C12orf54: variants seen among roughly 807,000 people sequenced by gnomAD.
The protein encoded by C12orf54 is uncharacterized protein C12orf54.
Under a neutral mutation model 26.4 loss-of-function variants are expected in C12orf54, and 24 were observed. The observed-to-expected ratio is 0.91, with a 90% CI of 0.66 to 1.28. C12orf54 has a LOEUF of 1.28. Among genes scored for constraint, C12orf54 ranks in the 50% most tolerant of loss-of-function variants. C12orf54 has a pLI of 0.00. For missense variants in C12orf54, 154 were observed against 150.9 expected, an observed-to-expected ratio of 1.02 and a Z score of -0.11; for synonymous variants, 54 against 47.0, an observed-to-expected ratio of 1.15 and a Z score of -0.61.
the C12orf54 span, among the ~76,000 whole-genome samples, chr12:48,449,503 G>T: frequency 2.0e-5 from 3 of 152,246 alleles, no homozygotes; most frequent in African/African-American, 7.2e-5. Flanking sequence ...TCCCCAGACT[G>T]CTTAGATAGG....
chr12:48,433,897 G>A, the C12orf54 span, among the ~76,000 whole-genome samples: 3 of 152,206 alleles, frequency 2.0e-5, no homozygotes, highest in African/African-American at 7.2e-5. Flanking sequence ...TCTCACTGAG[G>A]CTTGTTGGAC....
rs1039070941 is a variant in C12orf54, at chr12:48,490,811, G to C, written c.169-1G>C. ...CTGACTGTATTCTCATTATTTTTCA[G>C]CTGCAGGAAGATGCTCGGATTCGAG... is the stretch of plus-strand genomic sequence containing the variant. On this transcript the variant is annotated splice_acceptor_variant, in intron 5 of 8. Coordinates refer to ENST00000548364, the MANE Select transcript of C12orf54 (RefSeq NM_152319.4). LOFTEE classifies it high-confidence loss of function. The C allele has an allele frequency of 6.2e-7, 1 of 1,613,466 alleles. No individual in the cohort carries two copies. Among genetic ancestry groups the C allele is most frequent in the African/African-American group, 1.3e-5 (1 of 74,906 alleles).
the C12orf54 span, among the ~76,000 whole-genome samples, chr12:48,447,621 C>T: frequency 6.6e-6 from 1 of 152,120 alleles, no homozygotes; most frequent in Admixed American, 6.6e-5. Context: ...TACATAACCA[C>T]TATCCTAAAG....
the C12orf54 span, among the ~76,000 whole-genome samples, chr12:48,457,785 C>A: frequency 4.6e-5 from 7 of 152,260 alleles, no homozygotes; most frequent in East Asian, 7.7e-4. Context: ...TCTACCTCCA[C>A]AATGACACTG....
chr12:48,459,571 T>G, the C12orf54 span, among the ~76,000 whole-genome samples: 1 of 152,138 alleles, frequency 6.6e-6, no homozygotes, highest in South Asian at 2.1e-4. Context: ...AATAGAACTT[T>G]CCGATTTTCG....
chr12:48,447,491 C>G, the C12orf54 span, among the ~76,000 whole-genome samples: 1 of 152,192 alleles, frequency 6.6e-6, no homozygotes, highest in Non-Finnish European at 1.5e-5. Context: ...TCTGCTTCCT[C>G]AGAAGCCTTG....
the C12orf54 span, among the ~76,000 whole-genome samples, chr12:48,437,954 A>G: frequency 6.6e-6 from 1 of 152,212 alleles, no homozygotes; most frequent in Non-Finnish European, 1.5e-5. Flanking sequence ...GAAAAGAGGA[A>G]GTCAAATTGT....
intron 8 of C12orf54, among the ~76,000 whole-genome samples, chr12:48,495,784 C>T (rs1937899888): frequency 6.6e-6 from 1 of 152,150 alleles, no homozygotes; most frequent in Non-Finnish European, 1.5e-5. Flanking sequence ...ATATTTTATC[C>T]TGTTTCCCCC....
intron 4 of C12orf54, chr12:48,487,810 TCA>T: frequency 4.3e-6 from 2 of 466,552 alleles, no homozygotes; most frequent in Admixed American, 6.9e-5. Context: ...CTTAAAGTTC[TCA>T]CACTTTCTCC....
the C12orf54 span, among the ~76,000 whole-genome samples, chr12:48,444,716 T>C: frequency 2.0e-5 from 3 of 152,226 alleles, no homozygotes; most frequent in Non-Finnish European, 4.4e-5. Context: ...GAAACAGCTC[T>C]GAGAATGCTA....
At chr12:48,437,739 G>T in the C12orf54 span, among the ~76,000 whole-genome samples, 4 of 151,668 alleles carry the variant, frequency 2.6e-5, no homozygotes, top group Non-Finnish European at 4.4e-5. Flanking sequence ...ATTAGGTATT[G>T]ATGGGACGTA....
the C12orf54 span, among the ~76,000 whole-genome samples, chr12:48,444,839 G>C: frequency 6.6e-6 from 1 of 152,164 alleles, no homozygotes; most frequent in South Asian, 2.1e-4. Flanking sequence ...ATCTAGTACT[G>C]TGGCAGTCAC....
chr12:48,483,511 T>A, intron 2 of C12orf54, 150 bp downstream of exon 2: 1 of 595,194 alleles, frequency 1.7e-6, no homozygotes. Flanking sequence ...TCCTCCCTCT[T>A]CTCCATCTCC....
the C12orf54 span, among the ~76,000 whole-genome samples, chr12:48,441,655 A>T: frequency 2.6e-5 from 4 of 152,298 alleles, no homozygotes; most frequent in African/African-American, 9.6e-5. Context: ...GAGTTCAGTT[A>T]TTAGAGGAAT....
the C12orf54 span, chr12:48,417,243 T>C: frequency 6.6e-6 from 1 of 152,082 alleles, no homozygotes; most frequent in Non-Finnish European, 1.5e-5. Flanking sequence ...GGAAGTAAAC[T>C]CCCAGGAACA....
At chr12:48,473,138 G>A in the C12orf54 span, 67 of 1,595,592 alleles carry the variant, frequency 4.2e-5, no homozygotes, top group African/African-American at 5.4e-5. Context: ...CCCCTAACTC[G>A]GATGGTGAGG....
the C12orf54 span, among the ~76,000 whole-genome samples, chr12:48,419,747 C>T: frequency 6.6e-6 from 1 of 152,154 alleles, no homozygotes; most frequent in African/African-American, 2.4e-5. Context: ...GCTGACATAA[C>T]TCTTGTTATC....
chr12:48,438,896 A>G, the C12orf54 span, among the ~76,000 whole-genome samples: 1 of 152,088 alleles, frequency 6.6e-6, no homozygotes. Context: ...AAAGCCCAAA[A>G]TGACAAATGG....
At chr12:48,436,277 C>T in the C12orf54 span, among the ~76,000 whole-genome samples, 1 of 152,166 alleles carries the variant, frequency 6.6e-6, no homozygotes, top group Non-Finnish European at 1.5e-5. Flanking sequence ...GAGTGACCTA[C>T]AAACAGACTT....
Sources: gnomAD v4.1 joint callset for allele counts (sites outside exome capture counted in the v4.1 genomes callset) on GRCh38, gnomAD v4.1.1 for gene constraint, MANE v1.5 for transcripts, NCBI Gene and HGNC (gene_info 2026-07-23, HGNC 2026-07-21) for gene names.